Variants in FGF12 observed in about 807,000 individuals in gnomAD.
FGF12 encodes the protein fibroblast growth factor 12B.
A neutral mutation model predicts 23.6 loss-of-function variants in FGF12; 14 were observed. The observed-to-expected ratio is 0.59, with a 90% CI of 0.39 to 0.93. The LOEUF is 0.93. FGF12 is among the 40% of genes least tolerant of loss of function. The pLI is 0.00. For missense variants in FGF12, 175 were observed against 217.8 expected, an observed-to-expected ratio of 0.80 and a Z score of 1.24; for synonymous variants, 62 against 77.3, an observed-to-expected ratio of 0.80 and a Z score of 1.04.
intron 2 of FGF12, among the ~76,000 whole-genome samples, chr3:192,480,232 G>A (rs1436145258): frequency 3.3e-5 from 5 of 152,126 alleles, no homozygotes; most frequent in Non-Finnish European, 7.4e-5. Flanking sequence ...TTAATCGTAA[G>A]ACTTCGCAAA....
intron 4 of FGF12, among the ~76,000 whole-genome samples, chr3:192,250,481 C>T (rs192543098): frequency 1.3e-5 from 2 of 151,878 alleles, no homozygotes; most frequent in African/African-American, 2.4e-5. Flanking sequence ...ACAATACAAG[C>T]ATAAGTGTTT....
At position 192,514,647 on chromosome 3, in the gene FGF12, G is replaced by A; in HGVS notation, c.14-154109C>T. 3.1e-6 allele frequency: 3 copies of A among 972,612 alleles called. No individual in the cohort carries two copies. The South Asian group carries it at 1.4e-4, about 46-fold the overall frequency. The allele number at this position is 972,612 out of a possible 1,614,324, so 60.2% of individuals were successfully genotyped here. On this transcript the variant is annotated intron_variant, in intron 2 of 5. Coordinates refer to ENST00000445105, the MANE Select transcript of FGF12 (RefSeq NM_004113.6). The surrounding 1 kb of genome is among the most constrained non-coding windows in gnomAD (Gnocchi z 4.9). Reference sequence around the variant, plus strand: ...GGCATTCTGCAGTGTTTGGGGGCTGGGGAAAGAACATTTTCTCACCACTTG... The same window carrying A: ...GGCATTCTGCAGTGTTTGGGGGCTGAGGAAAGAACATTTTCTCACCACTTG...
intron 2 of FGF12, among the ~76,000 whole-genome samples, chr3:192,586,354 C>T (rs1019673012): frequency 3.3e-5 from 5 of 152,170 alleles, no homozygotes; most frequent in African/African-American, 9.7e-5. Context: ...TGGAAATTTA[C>T]GCAAGTTAAT....
chr3:192,707,345 C>T (rs931872560), intron 2 of FGF12, among the ~76,000 whole-genome samples: 34 of 152,062 alleles, frequency 2.2e-4, no homozygotes, highest in African/African-American at 7.2e-4. Context: ...GGGAGCTGAC[C>T]GAGAATGGCA....
intron 2 of FGF12, among the ~76,000 whole-genome samples, chr3:192,566,861 G>C (rs1214667934): frequency 6.6e-6 from 1 of 152,102 alleles, no homozygotes; most frequent in Non-Finnish European, 1.5e-5. Flanking sequence ...ACAACTACCA[G>C]AAAGGCCACA....
At chr3:192,688,070 G>A (rs532270002) in intron 2 of FGF12, among the ~76,000 whole-genome samples, 1 of 152,052 alleles carries the variant, frequency 6.6e-6, no homozygotes, top group Admixed American at 6.5e-5. Context: ...CGCCACAGCT[G>A]AGCACACGCA....
Position 192,597,993 on chromosome 3 carries a change from T to C in FGF12, c.13+129188A>G, listed in dbSNP as rs79367998. Among the ~76,000 whole-genome samples the C allele has an allele frequency of 3.0e-3, 457 of 152,314 alleles. 3 individuals are homozygous for C. The highest frequency in any genetic ancestry group is 0.01 in the African/African-American group (430 of 41,564). ...AGGTTGGGTTTGTTTGGACCAGAGA[T>C]GTTAGAAAACAGTCAACACTTTGTT... On this transcript the variant is annotated intron_variant, in intron 2 of 5. Coordinates refer to ENST00000445105, the MANE Select transcript of FGF12 (RefSeq NM_004113.6).
intron 4 of FGF12, among the ~76,000 whole-genome samples, chr3:192,175,762 T>C (rs1287297839): frequency 6.6e-6 from 1 of 152,180 alleles, no homozygotes; most frequent in Non-Finnish European, 1.5e-5. Flanking sequence ...AAGCCCAACA[T>C]GATCACTCAG....
chr3:192,469,946 A>C (rs1457273114), intron 2 of FGF12, among the ~76,000 whole-genome samples: 3 of 152,246 alleles, frequency 2.0e-5, no homozygotes, highest in Non-Finnish European at 4.4e-5. Context: ...TATTTGGCAC[A>C]TATCAGATTC....
In FGF12 at chr3:192,221,719, A is replaced by G. The variant is rs188671207; in HGVS notation, c.229-51063T>C. Among the ~76,000 whole-genome samples, 69 of 152,306 alleles carry G rather than the reference A, an allele frequency of 4.5e-4. 1 individual carries two copies. Among genetic ancestry groups the G allele is most frequent in the African/African-American group, 1.6e-3 (68 of 41,572 alleles). ...TTCAAGTCTTGGACATCTAAAAGTA[A>G]AATGTAATTCAGGTCAACAAAGATT... On this transcript the variant is annotated intron_variant, in intron 4 of 5. Coordinates refer to ENST00000445105, the MANE Select transcript of FGF12 (RefSeq NM_004113.6).
At chr3:192,438,276 T>C (rs1722089597) in intron 2 of FGF12, among the ~76,000 whole-genome samples, 1 of 152,390 alleles carries the variant, frequency 6.6e-6, no homozygotes, top group South Asian at 2.1e-4. Context: ...CGATAGCTCA[T>C]GACCCTCTAC....
chr3:192,321,496 A>C (rs1716533581), intron 4 of FGF12, among the ~76,000 whole-genome samples: 1 of 90,532 alleles, frequency 1.1e-5, no homozygotes, highest in Non-Finnish European at 2.1e-5. Context: ...AAAGACATTC[A>C]AAAAAAAAAA....
chr3:192,376,864 T>C (rs941646353), intron 2 of FGF12, among the ~76,000 whole-genome samples: 1 of 152,252 alleles, frequency 6.6e-6, no homozygotes. Flanking sequence ...GTTTATATCC[T>C]TGTATGGTTT....
chr3:192,408,501 GAC>G lies in FGF12; in HGVS notation c.14-47965_14-47964del, dbSNP rs1321364150. Reference sequence around the variant, plus strand: ...CGGTCCCAGGCCCTCTTGCGAAGTAGACGTTTGCACCCCAAACTTGCACCCCA... The same window carrying G: ...CGGTCCCAGGCCCTCTTGCGAAGTAGGTTTGCACCCCAAACTTGCACCCCA... On this transcript the variant is annotated intron_variant, in intron 2 of 5. Coordinates refer to ENST00000445105, the MANE Select transcript of FGF12 (RefSeq NM_004113.6). This position sits in a 1 kb window ranked among gnomAD's most constrained non-coding sequence, Gnocchi z 7.3. The G allele has an allele frequency of 3.9e-6, 5 of 1,272,440 alleles. No individual in the cohort carries two copies. The African/African-American group carries it at 6.1e-5, about 16-fold the overall frequency. The allele number at this position is 1,272,440 out of a possible 1,614,324, so 78.8% of individuals were successfully genotyped here. A position where few individuals can be genotyped will look rare whatever the true frequency, so the allele number is the denominator to read the frequency against.
intron 2 of FGF12, among the ~76,000 whole-genome samples, chr3:192,601,746 G>C (rs1169037955): frequency 6.6e-6 from 1 of 152,104 alleles, no homozygotes; most frequent in Admixed American, 6.6e-5. Context: ...CAATGGTGTA[G>C]TATTTGCATA....
At chr3:192,635,839 C>A (rs2108660096) in intron 2 of FGF12, among the ~76,000 whole-genome samples, 1 of 152,188 alleles carries the variant, frequency 6.6e-6, no homozygotes, top group Non-Finnish European at 1.5e-5. Context: ...AGAACTGATT[C>A]TCTTTTAATT....
intron 4 of FGF12, chr3:192,265,120 GACAA>G (rs1174186967): frequency 1.3e-5 from 2 of 152,136 alleles, no homozygotes; most frequent in South Asian, 2.1e-4. Context: ...TGTAAAGATT[GACAA>G]ACAAGGTAAC....
At chr3:192,615,808 C>T (rs971644852) in intron 2 of FGF12, among the ~76,000 whole-genome samples, 9 of 151,848 alleles carry the variant, frequency 5.9e-5, no homozygotes, top group African/African-American at 2.2e-4. Context: ...GAATATTTAA[C>T]AAGATGGAAA....
intron 2 of FGF12, among the ~76,000 whole-genome samples, chr3:192,561,103 A>G (rs1711999359): frequency 6.6e-6 from 1 of 152,142 alleles, no homozygotes; most frequent in Non-Finnish European, 1.5e-5. Context: ...AGGAAAATCT[A>G]TAAGGGAAAG....
Sources: gnomAD v4.1 joint callset for allele counts (sites outside exome capture counted in the v4.1 genomes callset) on GRCh38, gnomAD v4.1.1 for gene constraint, Gnocchi (gnomAD v3.1) non-coding constraint, MANE v1.5 for transcripts, NCBI Gene and HGNC (gene_info 2026-07-23, HGNC 2026-07-21) for gene names.